The following GGH variants were observed in gnomAD, a reference collection of about 807,000 sequenced individuals.
GGH encodes the protein gamma-Glu-X carboxypeptidase.
Under a neutral mutation model 39.2 loss-of-function variants are expected in GGH, and 18 were observed. That is an observed-to-expected ratio of 0.46 (90% CI 0.32 to 0.68). The LOEUF (loss-of-function observed/expected upper bound fraction) is 0.68. GGH is among the 30% of genes least tolerant of loss of function. GGH has a pLI of 0.04. For missense variants in GGH, 367 were observed against 384.1 expected (o/e 0.96, Z 0.37); for synonymous variants, 147 against 138.8 (o/e 1.06, Z -0.42).
At chr8:63,035,626 T>TAAAA in intron 2 of GGH, 30 bp downstream of exon 2, 1 of 1,498,332 alleles carries the variant, frequency 6.7e-7, no homozygotes, top group East Asian at 2.4e-5. Context: ...TTATACAGAG[T>TAAAA]AAAAAAAAAA....
At chr8:63,034,393 A>G (rs1804862349) in intron 2 of GGH, among the ~76,000 whole-genome samples, 1 of 152,188 alleles carries the variant, frequency 6.6e-6, no homozygotes, top group Non-Finnish European at 1.5e-5. Flanking sequence ...TTTGCATTTT[A>G]TTAGTAGTAT....
intron 2 of GGH, among the ~76,000 whole-genome samples, chr8:63,033,869 G>T (rs568583823): frequency 6.8e-4 from 103 of 151,478 alleles, no homozygotes; most frequent in Non-Finnish European, 1.4e-3. Flanking sequence ...GAGAATATGT[G>T]GTATTTGGTT....
intron 1 of GGH, among the ~76,000 whole-genome samples, chr8:63,036,261 C>A (rs764822329): frequency 6.6e-6 from 1 of 152,184 alleles, no homozygotes; most frequent in Non-Finnish European, 1.5e-5. Flanking sequence ...CTTGTTATAT[C>A]TTTTCTTAAG....
intron 2 of GGH, among the ~76,000 whole-genome samples, chr8:63,034,956 C>A (rs1804873785): frequency 6.6e-6 from 1 of 152,006 alleles, no homozygotes; most frequent in African/African-American, 2.4e-5. Flanking sequence ...GTGATGAAGT[C>A]TGAGATTTCA....
intron 7 of GGH, among the ~76,000 whole-genome samples, chr8:63,021,200 A>T (rs1283633922): frequency 6.6e-6 from 1 of 152,212 alleles, no homozygotes; most frequent in Non-Finnish European, 1.5e-5. Context: ...AATTGTCTTC[A>T]TGATTCATTC....
intron 2 of GGH, among the ~76,000 whole-genome samples, chr8:63,032,872 A>T (rs61056009): frequency 0.21 from 31,791 of 152,110 alleles, 4,245 homozygotes; most frequent in South Asian, 0.34. Context: ...CAAAACTCCC[A>T]TGATTTCAAA....
chr8:63,036,823 G>C (rs1438797658), intron 1 of GGH, among the ~76,000 whole-genome samples: 4 of 152,180 alleles, frequency 2.6e-5, no homozygotes, highest in African/African-American at 9.7e-5. Context: ...GAAAGCAATA[G>C]GAAAGGACAT....
chr8:63,035,599 C>T, intron 2 of GGH, 57 bp downstream of exon 2: 1 of 1,567,870 alleles, frequency 6.4e-7, no homozygotes, highest in Non-Finnish European at 8.6e-7. Flanking sequence ...GGCACCGCAC[C>T]CGTACGCAGC....
intron 3 of GGH, chr8:63,028,140 C>T (rs1162962212): frequency 1.3e-5 from 2 of 152,042 alleles, no homozygotes; most frequent in Non-Finnish European, 2.9e-5. Flanking sequence ...CTAGACTCGA[C>T]TTGCCTGGAG....
intron 2 of GGH, among the ~76,000 whole-genome samples, chr8:63,034,350 C>T (rs1049424352): frequency 6.6e-5 from 10 of 151,870 alleles, no homozygotes; most frequent in African/African-American, 2.4e-4. Context: ...AAACCTAAAG[C>T]CATTTTGTGG....
rs757367589 is a variant in GGH at position 63,027,163 on chromosome 8, G to A, written c.360+18C>T. On this transcript the variant is annotated intron_variant, in intron 4 of 8. Transcript: ENST00000260118. The stretch of plus-strand genomic sequence containing the variant: ...TACAGAAACCCATCTGGAATAATAA[G>A]CAATAACTGATATTTACCTGTATGG... 1.2e-5 allele frequency: 13 copies of A among 1,122,548 alleles called. No individual in the cohort carries two copies. Among genetic ancestry groups the A allele is most frequent in the South Asian group, 1.2e-5 (1 of 80,898 alleles). The allele number at this position is 1,122,548 out of a possible 1,614,324, so 69.5% of individuals were successfully genotyped here.
At chr8:63,033,363 T>G (rs1374700382) in intron 2 of GGH, among the ~76,000 whole-genome samples, 2 of 152,226 alleles carry the variant, frequency 1.3e-5, no homozygotes, top group Non-Finnish European at 2.9e-5. Flanking sequence ...AATTCACCAG[T>G]GAAGCCAGCT....
In GGH at chr8:63,038,775, C is replaced by T. The variant is rs912566113; in HGVS notation, c.-7G>A. ...GGCAGCCCGGACTGGCCATGGCGCT[C>T]GCCGCCTCCCGCCGCCTTTCAAAAG... On this transcript the variant is annotated 5_prime_UTR_variant, in exon 1 of 9. Transcript: ENST00000260118. 5 of 1,467,246 alleles carry T rather than the reference C, an allele frequency of 3.4e-6. No individual in the cohort carries two copies. The highest frequency in any genetic ancestry group is 2.6e-5 in the East Asian group (1 of 39,190). 90.9% of individuals were successfully genotyped at this position (1,467,246 alleles called of 1,614,324 possible).
At chr8:63,038,132 T>G (rs1037350983) in intron 1 of GGH, among the ~76,000 whole-genome samples, 1 of 152,224 alleles carries the variant, frequency 6.6e-6, no homozygotes, top group African/African-American at 2.4e-5. Context: ...GTGGGCTGCA[T>G]TTTAACACCA....
At chr8:63,037,115 A>G (rs1364521487) in intron 1 of GGH, among the ~76,000 whole-genome samples, 3 of 152,198 alleles carry the variant, frequency 2.0e-5, no homozygotes, top group East Asian at 1.9e-4. Flanking sequence ...TGTTGTCTGT[A>G]TTACTCACTT....
chr8:63,026,088 C>T, intron 5 of GGH, 70 bp downstream of exon 5: 1 of 1,237,048 alleles, frequency 8.1e-7, no homozygotes, highest in Non-Finnish European at 1.1e-6. Context: ...AGCACTTTTA[C>T]TTTCATATTT....
Position 63,026,277 on chromosome 8 carries a change from T to C in GGH, c.380A>G (p.Tyr127Cys), listed in dbSNP as rs777922869. Residue 127 changes from tyrosine (Y) to cysteine (C), a missense_variant, in exon 5 of 9, where the codon TAT (tyrosine) becomes TGT (cysteine). Coordinates refer to ENST00000260118, the MANE Select transcript of GGH (RefSeq NM_003878.3). The stretch of plus-strand genomic sequence containing the variant: ...AAGGCATGTGCCCCACACAGGAAAA[T>C]AGTCTCCATCATCAAAACTCTTTGC... Reference protein sequence around the residue: ...LSIQSFDDGDYFPVWGTCLGF... With the variant: ...LSIQSFDDGDCFPVWGTCLGF... The C allele has an allele frequency of 6.2e-6, 10 of 1,604,948 alleles. No individual in the cohort carries two copies. The highest frequency in any genetic ancestry group is 4.5e-5 in the East Asian group (2 of 44,634).
chr8:63,036,440 C>T (rs1336911965), intron 1 of GGH, among the ~76,000 whole-genome samples: 1 of 152,138 alleles, frequency 6.6e-6, no homozygotes, highest in Non-Finnish European at 1.5e-5. Context: ...AAAGCCCCTG[C>T]CCTGTGTGCA....
At chr8:63,021,959 C>T (rs1378729856) in intron 7 of GGH, among the ~76,000 whole-genome samples, 1 of 152,186 alleles carries the variant, frequency 6.6e-6, no homozygotes. Flanking sequence ...CAGGCGTGAG[C>T]CACCATGCCC....
Sources: gnomAD v4.1 joint callset for allele counts (sites outside exome capture counted in the v4.1 genomes callset) on GRCh38, gnomAD v4.1.1 for gene constraint, MANE v1.5 for transcripts, NCBI Gene and HGNC (gene_info 2026-07-23, HGNC 2026-07-21) for gene names.